DCC: variants seen among roughly 807,000 people sequenced by gnomAD.
DCC encodes DCC netrin 1 receptor, also known as netrin receptor DCC.
A neutral mutation model predicts 172.5 loss-of-function variants in DCC; 58 were observed. That is an observed-to-expected ratio of 0.34 (90% CI 0.27 to 0.42). The LOEUF (loss-of-function observed/expected upper bound fraction) is 0.42. Ranked by LOEUF, DCC falls within the 10% of genes least tolerant of loss-of-function variation. DCC has a pLI of 1.00. For missense variants in DCC, 1,740 were observed against 1,791.0 expected (o/e 0.97, Z 0.51); for synonymous variants, 709 against 644.5 (o/e 1.10, Z -1.52).
intron 9 of DCC, among the ~76,000 whole-genome samples, chr18:53,185,791 A>G (rs1429297144): frequency 1.3e-5 from 2 of 152,214 alleles, no homozygotes; most frequent in African/African-American, 4.8e-5. Flanking sequence ...AATTCACTAA[A>G]AACAGCTTTC....
intron 5 of DCC, among the ~76,000 whole-genome samples, chr18:53,003,648 G>A (rs2041600193): frequency 6.6e-6 from 1 of 152,094 alleles, no homozygotes; most frequent in Non-Finnish European, 1.5e-5. Flanking sequence ...AGGGATAGGA[G>A]CCTCAGACTC....
chr18:52,447,315 G>C (rs1308541697), intron 1 of DCC, among the ~76,000 whole-genome samples: 1 of 152,220 alleles, frequency 6.6e-6, no homozygotes, highest in Non-Finnish European at 1.5e-5. Flanking sequence ...GTGTAAGATA[G>C]CTTTTGCCTT....
At chr18:53,020,083 A>G (rs760729467) in intron 5 of DCC, among the ~76,000 whole-genome samples, 4 of 152,176 alleles carry the variant, frequency 2.6e-5, no homozygotes, top group African/African-American at 9.7e-5. Context: ...TTTCAAAACT[A>G]CATCTACAAC....
rs151131015 is a variant in DCC, at chr18:53,340,047, T to TACAC, written c.2359+166_2359+169dup. 1,917 of 591,802 alleles carry TACAC rather than the reference T, an allele frequency of 3.2e-3. 1 individual carries two copies. Among genetic ancestry groups the TACAC allele is most frequent in the South Asian group, 0.011 (600 of 52,242 alleles). The allele number at this position is 591,802 out of a possible 1,614,324, so 36.7% of individuals were successfully genotyped here. On this transcript the variant is annotated intron_variant, in intron 15 of 28. Transcript: ENST00000442544. ...TTAGCTCTGAAAGCAACTGTCTATC[T>TACAC]ACACACACACACACACACACACACA...
intron 1 of DCC, among the ~76,000 whole-genome samples, chr18:52,421,348 A>G (rs1223420745): frequency 6.6e-6 from 1 of 152,204 alleles, no homozygotes; most frequent in Non-Finnish European, 1.5e-5. Flanking sequence ...TAACGATGGC[A>G]GGTCCGATGA....
At chr18:53,448,060 T>TGTTTTG (rs1356773072) in intron 22 of DCC, among the ~76,000 whole-genome samples, 1 of 146,642 alleles carries the variant, frequency 6.8e-6, no homozygotes, top group African/African-American at 2.7e-5. Flanking sequence ...TTTTTTTTTT[T>TGTTTTG]TTTTTTTTTT....
At chr18:52,637,799 T>A (rs2034811725) in intron 1 of DCC, among the ~76,000 whole-genome samples, 1 of 152,122 alleles carries the variant, frequency 6.6e-6, no homozygotes, top group Non-Finnish European at 1.5e-5. Context: ...GACATTTAAA[T>A]ACAAGAAGCA....
intron 15 of DCC, among the ~76,000 whole-genome samples, chr18:53,373,018 C>T (rs1292495970): frequency 1.3e-5 from 2 of 152,162 alleles, no homozygotes; most frequent in Non-Finnish European, 2.9e-5. Flanking sequence ...AGCCTAACCA[C>T]ATGTTTGCCT....
Position 52,417,827 on chromosome 18 carries a change from G to T in DCC, c.91+76949G>T, listed in dbSNP as rs548314184. ...TTGCCTTTGGTTTGAATTTCCTCCT[G>T]TAGCTCGGAGTAGTTTGATCGTCTG... On this transcript the variant is annotated intron_variant, in intron 1 of 28. Coordinates refer to ENST00000442544, the MANE Select transcript of DCC (RefSeq NM_005215.4). 3.4e-3 allele frequency among the ~76,000 whole-genome samples: 522 copies of T among 152,178 alleles called. 2 individuals are homozygous for T. Among genetic ancestry groups the T allele is most frequent in the African/African-American group, 0.012 (500 of 41,502 alleles).
intron 27 of DCC, among the ~76,000 whole-genome samples, chr18:53,516,109 T>C (rs2046331064): frequency 6.7e-6 from 1 of 149,012 alleles, no homozygotes; most frequent in South Asian, 2.1e-4. Flanking sequence ...GAGATATAGA[T>C]CAATGGAACA....
intron 2 of DCC, among the ~76,000 whole-genome samples, chr18:52,848,663 A>T (rs1220043034): frequency 6.6e-6 from 1 of 152,122 alleles, no homozygotes; most frequent in Non-Finnish European, 1.5e-5. Context: ...ATCCTGTCTT[A>T]TTGATTGTAG....
rs1194852577 is a variant in DCC, at chr18:52,340,771, A to G, written c.-17A>G. 1.2e-6 allele frequency: 2 copies of G among 1,608,624 alleles called. No homozygotes were observed. The highest frequency in any genetic ancestry group is 1.3e-5 in the African/African-American group (1 of 74,936). ...CCGCTGCCCGCGACCCCTGGCCCCG[A>G]AGGTGTTGGCTGAAATATGGAGAAT... On this transcript the variant is annotated 5_prime_UTR_variant, in exon 1 of 29. Coordinates refer to ENST00000442544, the MANE Select transcript of DCC (RefSeq NM_005215.4).
chr18:52,904,366 T>C (rs2039850737), intron 2 of DCC, among the ~76,000 whole-genome samples: 2 of 152,190 alleles, frequency 1.3e-5, no homozygotes, highest in African/African-American at 2.4e-5. Flanking sequence ...TTCAGTTATT[T>C]TGTGGTCCAA....
intron 1 of DCC, among the ~76,000 whole-genome samples, chr18:52,746,328 G>T (rs1173079381): frequency 1.3e-5 from 2 of 152,152 alleles, no homozygotes; most frequent in African/African-American, 4.8e-5. Flanking sequence ...ATTATGCATA[G>T]CAAGTTCTAT....
intron 6 of DCC, 146 bp from the exon 7 acceptor site, chr18:53,065,900 C>T (rs1034745620): frequency 1.0e-5 from 9 of 882,288 alleles, no homozygotes; most frequent in Non-Finnish European, 1.7e-5. Flanking sequence ...TGGCATAGGA[C>T]ACGTCTGCGA....
intron 9 of DCC, among the ~76,000 whole-genome samples, chr18:53,197,303 A>G (rs2055458250): frequency 6.6e-6 from 1 of 152,064 alleles, no homozygotes; most frequent in African/African-American, 2.4e-5. Flanking sequence ...CAAACTAATA[A>G]AGGGATAGAA....
intron 21 of DCC, among the ~76,000 whole-genome samples, chr18:53,434,530 A>G (rs1911818567): frequency 6.6e-6 from 1 of 152,198 alleles, no homozygotes. Context: ...CAGAATTTCC[A>G]ATAATGCTAT....
At chr18:53,270,268 T>C (rs1448839339) in intron 12 of DCC, among the ~76,000 whole-genome samples, 1 of 152,124 alleles carries the variant, frequency 6.6e-6, no homozygotes, top group Non-Finnish European at 1.5e-5. Context: ...ATGCTTTTGT[T>C]CAAACATAGG....
At position 52,578,896 on chromosome 18, in the gene DCC, G is replaced by T. The variant is rs564504496; in HGVS notation, c.92-173158G>T. Among the ~76,000 whole-genome samples, 6 of 152,206 alleles carry T rather than the reference G, an allele frequency of 3.9e-5. No homozygotes were observed. In the South Asian group the frequency reaches 1.2e-3, roughly 32 times the overall value. On this transcript the variant is annotated intron_variant, in intron 1 of 28. Transcript: ENST00000442544. ...CTTTGGAGGCTGAGGCGGGAGAATG[G>T]CTTGAACCCAGGAGGTGGAGGTTGC...
Sources: gnomAD v4.1 joint callset for allele counts (sites outside exome capture counted in the v4.1 genomes callset) on GRCh38, gnomAD v4.1.1 for gene constraint, MANE v1.5 for transcripts, NCBI Gene and HGNC (gene_info 2026-07-23, HGNC 2026-07-21) for gene names.